RUNDC3B: variants seen among roughly 807,000 people sequenced by gnomAD.
RUNDC3B encodes the protein RUN domain-containing protein 3B.
Under a neutral mutation model 58.4 loss-of-function variants are expected in RUNDC3B, and 33 were observed. The observed-to-expected ratio is 0.56, with a 90% CI of 0.43 to 0.75. The LOEUF is 0.75. RUNDC3B is among the 30% of genes least tolerant of loss of function. The pLI is 0.00. For missense variants in RUNDC3B, 501 were observed against 535.7 expected, an observed-to-expected ratio of 0.94 and a Z score of 0.64; for synonymous variants, 193 against 195.2, an observed-to-expected ratio of 0.99 and a Z score of 0.10.
intron 4 of RUNDC3B, among the ~76,000 whole-genome samples, chr7:87,734,816 G>A (rs1487966097): frequency 6.6e-6 from 1 of 152,148 alleles, no homozygotes; most frequent in Non-Finnish European, 1.5e-5. Context: ...TCCAGTAGAA[G>A]TTGACTACTT....
At chr7:87,750,744 A>G (rs1474560848) in intron 6 of RUNDC3B, among the ~76,000 whole-genome samples, 3 of 149,768 alleles carry the variant, frequency 2.0e-5, no homozygotes, top group Non-Finnish European at 4.4e-5. Flanking sequence ...TTTTCTTGTA[A>G]ATTTGTTGGA....
intron 4 of RUNDC3B, among the ~76,000 whole-genome samples, chr7:87,736,468 G>C (rs1445527239): frequency 1.3e-5 from 2 of 151,938 alleles, no homozygotes; most frequent in African/African-American, 4.8e-5. Context: ...TAAAAGAAAA[G>C]CATATTCTTA....
At chr7:87,698,324 G>C (rs1828688474) in intron 2 of RUNDC3B, among the ~76,000 whole-genome samples, 1 of 152,070 alleles carries the variant, frequency 6.6e-6, no homozygotes, top group South Asian at 2.1e-4. Flanking sequence ...ATGGTCTCCT[G>C]ACCACATGAT....
chr7:87,683,433 A>C (rs1489810570), intron 2 of RUNDC3B, among the ~76,000 whole-genome samples: 1 of 152,182 alleles, frequency 6.6e-6, no homozygotes, highest in East Asian at 1.9e-4. Context: ...AATCGTGTAC[A>C]GCTTTTGATT....
intron 8 of RUNDC3B, among the ~76,000 whole-genome samples, chr7:87,787,657 T>A (rs1835294448): frequency 6.6e-6 from 1 of 152,154 alleles, no homozygotes; most frequent in African/African-American, 2.4e-5. Context: ...TGCTCTACAC[T>A]TTCCAGTTGT....
intron 2 of RUNDC3B, among the ~76,000 whole-genome samples, chr7:87,661,927 T>G (rs757838804): frequency 1.3e-5 from 2 of 152,154 alleles, no homozygotes; most frequent in Non-Finnish European, 2.9e-5. Context: ...ATTGCTTGTC[T>G]TTTGGATAAA....
chr7:87,759,851 T>A (rs539080803), intron 6 of RUNDC3B, among the ~76,000 whole-genome samples: 12 of 152,012 alleles, frequency 7.9e-5, no homozygotes, highest in African/African-American at 2.9e-4. Context: ...GTGTGATTAT[T>A]ACATATTAAA....
intron 1 of RUNDC3B, among the ~76,000 whole-genome samples, chr7:87,634,995 G>A (rs1399248379): frequency 6.6e-6 from 1 of 152,134 alleles, no homozygotes; most frequent in Non-Finnish European, 1.5e-5. Flanking sequence ...CAACCAAACT[G>A]CATTCATATT....
intron 10 of RUNDC3B, among the ~76,000 whole-genome samples, chr7:87,820,741 A>C (rs1266113671): frequency 1.3e-5 from 2 of 151,702 alleles, no homozygotes; most frequent in African/African-American, 4.8e-5. Context: ...AACATACGCA[A>C]ATCAATAAAT....
chr7:87,817,963 G>A (rs1837163788), intron 10 of RUNDC3B, among the ~76,000 whole-genome samples: 1 of 152,148 alleles, frequency 6.6e-6, no homozygotes, highest in African/African-American at 2.4e-5. Context: ...TAAATATTGT[G>A]TCGAACTGAA....
chr7:87,677,250 G>A (rs939969268), intron 2 of RUNDC3B, among the ~76,000 whole-genome samples: 25 of 139,158 alleles, frequency 1.8e-4, no homozygotes, highest in Admixed American at 3.0e-4. Flanking sequence ...ACAGAAGGAT[G>A]GATTAATAAA....
At chr7:87,796,720 A>C (rs550901893) in intron 8 of RUNDC3B, among the ~76,000 whole-genome samples, 5 of 152,206 alleles carry the variant, frequency 3.3e-5, no homozygotes, top group African/African-American at 7.2e-5. Flanking sequence ...CTTCAAAAAT[A>C]AGAGAGACGT....
intron 4 of RUNDC3B, among the ~76,000 whole-genome samples, chr7:87,721,793 G>C (rs1283961357): frequency 2.7e-5 from 4 of 150,358 alleles, no homozygotes; most frequent in Non-Finnish European, 3.0e-5. Context: ...CTCTCTCTCT[G>C]TCTCTGTCTC....
At chr7:87,727,389 G>A (rs896723435) in intron 4 of RUNDC3B, among the ~76,000 whole-genome samples, 4 of 152,084 alleles carry the variant, frequency 2.6e-5, no homozygotes, top group Non-Finnish European at 5.9e-5. Flanking sequence ...GGCCTTTAAT[G>A]TGATATTTTT....
chr7:87,715,685 T>C (rs1383057360), intron 4 of RUNDC3B, among the ~76,000 whole-genome samples: 1 of 151,564 alleles, frequency 6.6e-6, no homozygotes, highest in African/African-American at 2.4e-5. Context: ...GATTGATTGA[T>C]TGCTTTGTCA....
At chr7:87,641,545 T>C (rs1822453099) in intron 1 of RUNDC3B, among the ~76,000 whole-genome samples, 1 of 152,140 alleles carries the variant, frequency 6.6e-6, no homozygotes, top group Admixed American at 6.6e-5. Flanking sequence ...ATGCACTGAT[T>C]TGGGGGCGAC....
chr7:87,662,633 C>T (rs1824829065), intron 2 of RUNDC3B, among the ~76,000 whole-genome samples: 2 of 151,972 alleles, frequency 1.3e-5, no homozygotes, highest in South Asian at 4.1e-4. Flanking sequence ...TATGCCAGTA[C>T]CATGGTGTTT....
chr7:87,659,276 C>A (rs1401706824), intron 2 of RUNDC3B: 3 of 402,098 alleles, frequency 7.5e-6, no homozygotes, highest in Non-Finnish European at 1.5e-5. Flanking sequence ...TGTTTGTTCC[C>A]CCTGTTCTTG....
intron 10 of RUNDC3B, among the ~76,000 whole-genome samples, chr7:87,823,902 G>T (rs1837648649): frequency 6.6e-6 from 1 of 151,578 alleles, no homozygotes; most frequent in Admixed American, 6.6e-5. Flanking sequence ...GGGCATTTGG[G>T]TTCGTTATAC....
Sources: gnomAD v4.1 joint callset for allele counts (sites outside exome capture counted in the v4.1 genomes callset) on GRCh38, gnomAD v4.1.1 for gene constraint, MANE v1.5 for transcripts, NCBI Gene and HGNC (gene_info 2026-07-23, HGNC 2026-07-21) for gene names.